The following ARL6 variants were observed in gnomAD, a reference collection of about 807,000 sequenced individuals.
The protein encoded by ARL6 is ADP-ribosylation factor-like protein 6.
In ARL6, 18 loss-of-function variants were observed where a neutral mutation model predicts 27.1. The observed-to-expected ratio is 0.66, with a 90% confidence interval of 0.46 to 0.98. The LOEUF (loss-of-function observed/expected upper bound fraction) is 0.98. ARL6 is among the 50% of genes least tolerant of loss of function. The pLI, the probability that ARL6 is intolerant of heterozygous loss-of-function variation, is 0.00. For synonymous variants in ARL6, 65 were observed against 72.3 expected, an observed-to-expected ratio of 0.90 and a Z score of 0.51; for missense variants, 187 against 214.9, an observed-to-expected ratio of 0.87 and a Z score of 0.81.
At chr3:97,793,536 G>A (rs956837534) in intron 7 of ARL6, 2 of 152,034 alleles carry the variant, frequency 1.3e-5, no homozygotes, top group Non-Finnish European at 2.9e-5. Context: ...AAAATAGGTT[G>A]ATAGTCTTCT....
At chr3:97,771,280 A>G (rs1319286275) in intron 2 of ARL6, among the ~76,000 whole-genome samples, 1 of 151,838 alleles carries the variant, frequency 6.6e-6, no homozygotes, top group Non-Finnish European at 1.5e-5. Context: ...GCTATTATAT[A>G]TGGGATTACT....
rs2038198076 is a variant in ARL6, at chr3:97,800,326, T to TATTTAGC, written c.*2280_*2286dup. The TATTTAGC allele has an allele frequency of 6.6e-6, 1 of 152,192 alleles. No individual in the cohort carries two copies. Among genetic ancestry groups the TATTTAGC allele is most frequent in the South Asian group, 2.1e-4 (1 of 4,836 alleles). 9.4% of individuals were successfully genotyped at this position (152,192 alleles called of 1,614,324 possible). On this transcript the variant is annotated 3_prime_UTR_variant, in exon 8 of 8. Coordinates refer to ENST00000463745, the MANE Select transcript of ARL6 (RefSeq NM_001278293.3). ...GAATAAGCTGAGATTATTGCATTTGTATTTAGCATATTATACAATTAAAAT... is the reference window on the plus strand; with the variant it reads ...GAATAAGCTGAGATTATTGCATTTGTATTTAGCATTTAGCATATTATACAATTAAAAT...
chr3:97,789,326 C>G (rs1228029355), intron 6 of ARL6, among the ~76,000 whole-genome samples: 1 of 152,024 alleles, frequency 6.6e-6, no homozygotes, highest in Admixed American at 6.5e-5. Context: ...GAGCTAGAGC[C>G]TTTATATTTC....
chr3:97,769,449 G>A (rs2036540391), intron 2 of ARL6, among the ~76,000 whole-genome samples: 1 of 151,964 alleles, frequency 6.6e-6, no homozygotes, highest in Non-Finnish European at 1.5e-5. Context: ...GGGGTTACAT[G>A]TGATAGTTTG....
intron 1 of ARL6, among the ~76,000 whole-genome samples, chr3:97,767,406 C>T (rs771842650): frequency 1.3e-5 from 2 of 151,972 alleles, no homozygotes; most frequent in Non-Finnish European, 2.9e-5. Flanking sequence ...ACCTTCTTCA[C>T]AAAGGGATTT....
chr3:97,782,781 G>A (rs1334034838), intron 4 of ARL6, among the ~76,000 whole-genome samples: 2 of 150,332 alleles, frequency 1.3e-5, no homozygotes, highest in Non-Finnish European at 3.0e-5. Flanking sequence ...ATGTAAAAAT[G>A]TTACTATAAA....
intron 2 of ARL6, among the ~76,000 whole-genome samples, chr3:97,779,856 ACT>A (rs1451257123): frequency 6.7e-5 from 10 of 149,846 alleles, no homozygotes; most frequent in African/African-American, 2.5e-4. Flanking sequence ...ACAGAGTGAG[ACT>A]CTATCTCAAA....
In ARL6 at chr3:97,798,021, C is replaced by G; in HGVS notation, c.536-3C>G. The G allele has an allele frequency of 5.6e-6, 9 of 1,612,582 alleles. No individual in the cohort carries two copies. The highest frequency in any genetic ancestry group is 7.6e-6 in the Non-Finnish European group (9 of 1,179,040). The stretch of plus-strand genomic sequence containing the variant: ...ATAATTTTTGTTTGTTTTTTGTTAT[C>G]AGATCAGATCCAGACTGTGAAGACA... On this transcript the variant is annotated splice_region_variant and splice_polypyrimidine_tract_variant and intron_variant, in intron 7 of 7. Transcript: ENST00000463745.
intron 2 of ARL6, among the ~76,000 whole-genome samples, chr3:97,770,461 T>C (rs2036584923): frequency 6.6e-6 from 1 of 152,166 alleles, no homozygotes; most frequent in Non-Finnish European, 1.5e-5. Flanking sequence ...GTGGATATTA[T>C]GTAAATATTT....
intron 4 of ARL6, among the ~76,000 whole-genome samples, 190 bp downstream of exon 4, chr3:97,780,873 C>T (rs1311805489): frequency 1.3e-5 from 2 of 151,826 alleles, no homozygotes; most frequent in African/African-American, 2.4e-5. Flanking sequence ...TTCATGACTT[C>T]GGGCCTTTGC....
intron 2 of ARL6, among the ~76,000 whole-genome samples, chr3:97,778,351 CA>C (rs920182808): frequency 2.6e-5 from 4 of 152,038 alleles, no homozygotes; most frequent in African/African-American, 9.7e-5. Flanking sequence ...GCTAAGTAAA[CA>C]AACTTCAGAA....
chr3:97,768,024 A>G, intron 1 of ARL6, 57 bp from the exon 2 acceptor site: 1 of 1,482,314 alleles, frequency 6.7e-7, no homozygotes. Flanking sequence ...ACACCTACCA[A>G]TATTTTCCAT....
Position 97,799,775 on chromosome 3 carries a change from T to C in ARL6, c.*1726T>C, listed in dbSNP as rs1388119727. On this transcript the variant is annotated 3_prime_UTR_variant, in exon 8 of 8. Transcript: ENST00000463745. The stretch of plus-strand genomic sequence containing the variant: ...AGTAAACTGAGGCGTTAAAATGTTA[T>C]GTAATTTGCCAAAGTTCAAAAAGCT... 2.6e-5 allele frequency: 4 copies of C among 152,174 alleles called. No individual in the cohort carries two copies. Among genetic ancestry groups the C allele is most frequent in the Non-Finnish European group, 5.9e-5 (4 of 68,002 alleles). 9.4% of individuals were successfully genotyped at this position (152,174 alleles called of 1,614,324 possible).
intron 4 of ARL6, among the ~76,000 whole-genome samples, chr3:97,781,260 T>TA (rs1290389841): frequency 6.0e-5 from 9 of 150,180 alleles, no homozygotes; most frequent in Non-Finnish European, 1.3e-4. Context: ...TCCATTGTTC[T>TA]ATGAATAATT....
At chr3:97,776,938 C>T (rs1039931412) in intron 2 of ARL6, among the ~76,000 whole-genome samples, 11 of 152,200 alleles carry the variant, frequency 7.2e-5, no homozygotes, top group Admixed American at 2.6e-4. Flanking sequence ...GGATTACAGG[C>T]GTGAGCCTCC....
In ARL6 at chr3:97,798,725, G is replaced by A. The variant is rs1274426610; in HGVS notation, c.*676G>A. On this transcript the variant is annotated 3_prime_UTR_variant, in exon 8 of 8. Transcript: ENST00000463745. Reference sequence around the variant, plus strand: ...GGCAATGATGTTACGAGGTAAATAAGACATATCCTTATCTTCAGAGAACTT... The same window carrying A: ...GGCAATGATGTTACGAGGTAAATAAAACATATCCTTATCTTCAGAGAACTT... 2 of 152,062 alleles carry A rather than the reference G, an allele frequency of 1.3e-5. No homozygotes were observed. The highest frequency in any genetic ancestry group is 4.8e-5 in the African/African-American group (2 of 41,428). The allele number at this position is 152,062 out of a possible 1,614,324, so 9.4% of individuals were successfully genotyped here. A position where few individuals can be genotyped will look rare whatever the true frequency, so the allele number is the denominator to read the frequency against.
chr3:97,791,774 T>C lies in ARL6; in HGVS notation c.483T>C (p.Ala161=), dbSNP rs1418061307. The C allele has an allele frequency of 1.9e-6, 3 of 1,613,598 alleles. No homozygotes were observed. The African/African-American group carries it at 4.0e-5, about 22-fold the overall frequency. Residue 161 remains alanine (A), a synonymous_variant, in exon 7 of 8, where the codon GCT becomes GCC. Transcript: ENST00000463745. Reference sequence around the variant, plus strand: ...TTTCTTATGGATTTCATTTCAGTGCTAGTGATGCCATAAAAGGAGAAGGCT... The same window carrying C: ...TTTCTTATGGATTTCATTTCAGTGCCAGTGATGCCATAAAAGGAGAAGGCT... ...NIKDKPWHIC[A]SDAIKGEGLQ...
intron 6 of ARL6, among the ~76,000 whole-genome samples, chr3:97,789,509 A>G (rs79151718): frequency 0.025 from 3,770 of 152,214 alleles, 75 homozygotes; most frequent in African/African-American, 0.047. Context: ...TAACAGATTT[A>G]TTTATTCAAT....
intron 1 of ARL6, among the ~76,000 whole-genome samples, chr3:97,765,211 G>GGT (rs71113866): frequency 0.18 from 19,470 of 105,280 alleles, 1,276 homozygotes; most frequent in Non-Finnish European, 0.25. Context: ...GTGTATTGGG[G>GGT]GTGTGTGTGT....
Sources: allele counts gnomAD v4.1 joint callset (sites outside exome capture counted in the v4.1 genomes callset), GRCh38; gene constraint gnomAD v4.1.1; transcripts MANE v1.5; gene names NCBI Gene and HGNC (gene_info 2026-07-23, HGNC 2026-07-21).